The following ATG10 variants were observed in gnomAD, a reference collection of about 807,000 sequenced individuals.
ATG10 encodes the protein ubiquitin-like-conjugating enzyme ATG10.
A neutral mutation model predicts 32.1 loss-of-function variants in ATG10; 30 were observed. That is an observed-to-expected ratio of 0.94 (90% CI 0.70 to 1.27). The LOEUF (loss-of-function observed/expected upper bound fraction) is 1.27. Ranked by LOEUF, ATG10 falls within the 50% of genes most tolerant of loss-of-function variation. ATG10 has a pLI of 0.00. For synonymous variants in ATG10, 87 were observed against 91.5 expected (o/e 0.95, Z 0.28); for missense variants, 233 against 262.3 (o/e 0.89, Z 0.77).
chr5:82,014,496 T>C (rs568032681), intron 2 of ATG10, among the ~76,000 whole-genome samples: 1 of 152,374 alleles, frequency 6.6e-6, no homozygotes, highest in South Asian at 2.1e-4. Context: ...GGACTTGCTT[T>C]ATGAATCTGG....
At chr5:82,083,523 G>A (rs1764559377) in intron 3 of ATG10, among the ~76,000 whole-genome samples, 1 of 152,226 alleles carries the variant, frequency 6.6e-6, no homozygotes, top group African/African-American at 2.4e-5. Flanking sequence ...AGAACGGACA[G>A]ACTGCCTCCT....
At chr5:82,079,815 G>A (rs769392332) in intron 3 of ATG10, among the ~76,000 whole-genome samples, 51 of 152,128 alleles carry the variant, frequency 3.4e-4, no homozygotes, top group Non-Finnish European at 5.3e-4. Flanking sequence ...GAATAGTGCC[G>A]TAATAAACAT....
At chr5:82,243,416 G>A (rs527426842) in intron 5 of ATG10, among the ~76,000 whole-genome samples, 32 of 152,114 alleles carry the variant, frequency 2.1e-4, no homozygotes, top group East Asian at 1.4e-3. Flanking sequence ...TTAAAAATCC[G>A]TCTATGTTCT....
chr5:82,092,244 T>A (rs1325119532), intron 3 of ATG10, among the ~76,000 whole-genome samples: 3 of 152,154 alleles, frequency 2.0e-5, no homozygotes, highest in Non-Finnish European at 1.5e-5. Flanking sequence ...ATAAACAAGA[T>A]TGAATACTAC....
intron 3 of ATG10, among the ~76,000 whole-genome samples, chr5:82,093,900 T>C (rs558607287): frequency 2.6e-5 from 4 of 152,306 alleles, no homozygotes; most frequent in African/African-American, 9.6e-5. Flanking sequence ...CTGAGGACTT[T>C]GCTCAGTGCC....
intron 3 of ATG10, among the ~76,000 whole-genome samples, chr5:82,143,505 C>G (rs1291778604): frequency 6.6e-6 from 1 of 152,186 alleles, no homozygotes; most frequent in Non-Finnish European, 1.5e-5. Flanking sequence ...GAAGTCCAGA[C>G]TGAATGGAGG....
intron 2 of ATG10, among the ~76,000 whole-genome samples, chr5:81,998,087 C>G (rs2149680447): frequency 6.6e-6 from 1 of 152,264 alleles, no homozygotes; most frequent in Non-Finnish European, 1.5e-5. Flanking sequence ...ACATAGTAAT[C>G]AGATTCCCCA....
chr5:82,228,252 A>G (rs1018516865), intron 5 of ATG10, among the ~76,000 whole-genome samples: 3 of 152,142 alleles, frequency 2.0e-5, no homozygotes, highest in African/African-American at 7.2e-5. Flanking sequence ...GTATGTATCA[A>G]TACTATATAA....
At chr5:81,999,456 C>T (rs980988151) in intron 2 of ATG10, among the ~76,000 whole-genome samples, 3 of 152,056 alleles carry the variant, frequency 2.0e-5, no homozygotes, top group African/African-American at 4.8e-5. Flanking sequence ...AACAACCTAA[C>T]ATCCCAACTA....
intron 1 of ATG10, among the ~76,000 whole-genome samples, chr5:81,981,329 C>T (rs1761042944): frequency 6.6e-6 from 1 of 152,184 alleles, no homozygotes; most frequent in Non-Finnish European, 1.5e-5. Flanking sequence ...TTTTTCTGGC[C>T]AAGGCCTAGG....
At chr5:82,063,362 A>G (rs1395875606) in intron 3 of ATG10, among the ~76,000 whole-genome samples, 4 of 152,194 alleles carry the variant, frequency 2.6e-5, no homozygotes, top group Non-Finnish European at 5.9e-5. Context: ...ATACCTCAGA[A>G]TTAATGTTTT....
chr5:82,023,041 T>C (rs975028858), intron 2 of ATG10, among the ~76,000 whole-genome samples: 1 of 149,562 alleles, frequency 6.7e-6, no homozygotes, highest in East Asian at 1.9e-4. Context: ...TATATATTTA[T>C]TTTTCTTCTC....
chr5:81,981,404 A>G (rs1761044221), intron 1 of ATG10, among the ~76,000 whole-genome samples: 1 of 152,232 alleles, frequency 6.6e-6, no homozygotes, highest in South Asian at 2.1e-4. Context: ...ACCACTGCCT[A>G]AGGACCTTGC....
At chr5:82,026,736 G>A (rs1762604244) in intron 2 of ATG10, among the ~76,000 whole-genome samples, 1 of 152,102 alleles carries the variant, frequency 6.6e-6, no homozygotes, top group Admixed American at 6.6e-5. Context: ...TAATTAAGCT[G>A]ATTCATTAAA....
rs529639134 is a variant in ATG10 at position 82,132,444 on chromosome 5, C to A, written c.217-31955C>A. On this transcript the variant is annotated intron_variant, in intron 3 of 7. Transcript: ENST00000282185. ...TACAGGCCCCCGTGTGTGATGTTCCCCTCCCTGTGTCCATGTGTTCTCATT... is the reference window on the plus strand; with the variant it reads ...TACAGGCCCCCGTGTGTGATGTTCCACTCCCTGTGTCCATGTGTTCTCATT... Among the ~76,000 whole-genome samples the A allele has an allele frequency of 2.8e-3, 420 of 149,102 alleles. 1 individual carries two copies. The highest frequency in any genetic ancestry group is 4.9e-3 in the Non-Finnish European group (327 of 67,350).
Position 82,255,995 on chromosome 5 carries a change from G to C in ATG10, c.*1932G>C, listed in dbSNP as rs941979175. 1 of 152,140 alleles carries C rather than the reference G, an allele frequency of 6.6e-6. No homozygotes were observed. Among genetic ancestry groups the C allele is most frequent in the Non-Finnish European group, 1.5e-5 (1 of 68,016 alleles). 9.4% of individuals were successfully genotyped at this position (152,140 alleles called of 1,614,324 possible). On this transcript the variant is annotated 3_prime_UTR_variant, in exon 8 of 8. Coordinates refer to ENST00000282185, the MANE Select transcript of ATG10 (RefSeq NM_031482.5). Reference sequence around the variant, plus strand: ...GGCTTAAATGCTTGCTGGGCATTTTGGTATTTACCACTTAGCATGTTTTCA... The same window carrying C: ...GGCTTAAATGCTTGCTGGGCATTTTCGTATTTACCACTTAGCATGTTTTCA...
intron 5 of ATG10, among the ~76,000 whole-genome samples, chr5:82,183,419 G>T (rs1744308830): frequency 6.6e-6 from 1 of 150,382 alleles, no homozygotes; most frequent in African/African-American, 2.4e-5. Context: ...TTGTATTTCT[G>T]TGGTGTTTAC....
chr5:82,007,479 G>A (rs1418126413), intron 2 of ATG10, among the ~76,000 whole-genome samples: 1 of 152,070 alleles, frequency 6.6e-6, no homozygotes, highest in African/African-American at 2.4e-5. Flanking sequence ...TTGAGACAGG[G>A]CCTTGCTCTG....
chr5:82,059,797 G>A (rs1658603484), intron 3 of ATG10, among the ~76,000 whole-genome samples: 1 of 152,152 alleles, frequency 6.6e-6, no homozygotes, highest in South Asian at 2.1e-4. Flanking sequence ...AGGTTTGCAA[G>A]TTATTCTTGA....
Sources: allele counts gnomAD v4.1 joint callset (sites outside exome capture counted in the v4.1 genomes callset), GRCh38; gene constraint gnomAD v4.1.1; transcripts MANE v1.5; gene names NCBI Gene and HGNC (gene_info 2026-07-23, HGNC 2026-07-21).